Variants in TSTD2 observed in about 807,000 individuals in gnomAD.
TSTD2 encodes thiosulfate sulfurtransferase/rhodanese-like domain-containing protein 2.
Under a neutral mutation model 47.9 loss-of-function variants are expected in TSTD2, and 37 were observed. The observed-to-expected ratio is 0.77, with a 90% CI of 0.59 to 1.02. The LOEUF is 1.02. Ranked by LOEUF, TSTD2 falls within the 50% of genes least tolerant of loss-of-function variation. The pLI, the probability that TSTD2 is intolerant of heterozygous loss-of-function variation, is 0.00. For missense variants in TSTD2, 586 were observed against 616.0 expected (o/e 0.95, Z 0.52); for synonymous variants, 201 against 215.9 (o/e 0.93, Z 0.61).
At chr9:97,616,767 T>TAA (rs1297741818) in intron 4 of TSTD2, among the ~76,000 whole-genome samples, 1 of 152,224 alleles carries the variant, frequency 6.6e-6, no homozygotes, top group Non-Finnish European at 1.5e-5. Context: ...CCTTTCGATT[T>TAA]AAATTTTGAA....
At chr9:97,616,897 C>T (rs1304317089) in intron 4 of TSTD2, among the ~76,000 whole-genome samples, 2 of 152,200 alleles carry the variant, frequency 1.3e-5, no homozygotes, top group Non-Finnish European at 2.9e-5. Flanking sequence ...TTTTGGTATA[C>T]ACAACCTTCC....
chr9:97,627,059 C>T (rs751616174), intron 2 of TSTD2, among the ~76,000 whole-genome samples: 19 of 152,044 alleles, frequency 1.2e-4, no homozygotes, highest in African/African-American at 1.7e-4. Flanking sequence ...CTTACTGATA[C>T]GTGTTTTTAG....
At chr9:97,617,504 T>G (rs1249769117) in intron 4 of TSTD2, among the ~76,000 whole-genome samples, 2 of 152,378 alleles carry the variant, frequency 1.3e-5, no homozygotes, top group Non-Finnish European at 2.9e-5. Context: ...TAGTTTTTTG[T>G]GCAACACCTA....
At chr9:97,625,614 T>C (rs1281642450) in intron 3 of TSTD2, 67 bp downstream of exon 3, 14 of 1,446,088 alleles carry the variant, frequency 9.7e-6, no homozygotes, top group South Asian at 4.1e-5. Context: ...AATGGGTGAA[T>C]TGTAGTATCT....
rs190569161 is a variant in TSTD2, at chr9:97,618,440, T to C, written c.483-563A>G. 9.2e-5 allele frequency among the ~76,000 whole-genome samples: 14 copies of C among 152,344 alleles called. No homozygotes were observed. In the East Asian group the frequency reaches 2.7e-3, roughly 29 times the overall value. On this transcript the variant is annotated intron_variant, in intron 3 of 9. Transcript: ENST00000341170. ...ACTGGGCTGTCTTACACTAACTAGC[T>C]AGGCAGGTCTTTCATCACTTCTGGG...
Position 97,602,298 on chromosome 9 carries a change from G to A in TSTD2, c.*171C>T. 2 of 720,410 alleles carry A rather than the reference G, an allele frequency of 2.8e-6. No individual in the cohort carries two copies. The highest frequency in any genetic ancestry group is 2.2e-6 in the Non-Finnish European group (1 of 451,706). 44.6% of individuals were successfully genotyped at this position (720,410 alleles called of 1,614,324 possible). On this transcript the variant is annotated 3_prime_UTR_variant, in exon 10 of 10. Transcript: ENST00000341170. ...ATCAGAATGTCTCAGGTAAGTGGTA[G>A]ACAACGTGACTCCTCCCCTCCCGCT...
At position 97,631,660 on chromosome 9, in the gene TSTD2, A is replaced by G. The variant is rs566132842; in HGVS notation, c.-51+1583T>C. Among the ~76,000 whole-genome samples the G allele has an allele frequency of 1.9e-4, 29 of 152,296 alleles. No individual in the cohort carries two copies. The East Asian group carries it at 4.2e-3, about 22-fold the overall frequency. On this transcript the variant is annotated intron_variant, in intron 1 of 9. Coordinates refer to ENST00000341170, the MANE Select transcript of TSTD2 (RefSeq NM_139246.5). ...GGAGTTCAAGACCAGCCTGGCCAAC[A>G]TGGCGAAACCCCATCTCTACTAAAA...
At chr9:97,618,673 AC>A (rs1380969924) in intron 3 of TSTD2, among the ~76,000 whole-genome samples, 1 of 152,018 alleles carries the variant, frequency 6.6e-6, no homozygotes, top group Non-Finnish European at 1.5e-5. Flanking sequence ...TGTCTTTAAT[AC>A]CCCTTTTTTC....
At chr9:97,606,612 A>G (rs1473975017) in intron 6 of TSTD2, among the ~76,000 whole-genome samples, 1 of 152,174 alleles carries the variant, frequency 6.6e-6, no homozygotes, top group African/African-American at 2.4e-5. Flanking sequence ...TTGCTGGTCC[A>G]TTGTATGGTC....
At chr9:97,628,708 G>C (rs1455912618) in intron 1 of TSTD2, among the ~76,000 whole-genome samples, 1 of 152,188 alleles carries the variant, frequency 6.6e-6, no homozygotes, top group Admixed American at 6.5e-5. Context: ...AATAAAGCGT[G>C]ATGGAAGCAA....
chr9:97,626,333 G>A (rs1417698484), intron 2 of TSTD2, among the ~76,000 whole-genome samples: 2 of 152,054 alleles, frequency 1.3e-5, no homozygotes, highest in African/African-American at 4.8e-5. Context: ...TTTTCGAAAG[G>A]AATATGGAAA....
Position 97,600,462 on chromosome 9 carries a change from AT to A in TSTD2, c.*2006del. On this transcript the variant is annotated 3_prime_UTR_variant, in exon 10 of 10. Transcript: ENST00000341170. ...ATACTGGAGTTAGAACTTTTTCCTT[AT>A]TGAATGCCAACCTTATGATGGATGT... 1.0e-6 allele frequency: 1 copy of A among 985,612 alleles called. No individual in the cohort carries two copies. The highest frequency in any genetic ancestry group is 1.2e-6 in the Non-Finnish European group (1 of 830,052). The allele number at this position is 985,612 out of a possible 1,614,324, so 61.1% of individuals were successfully genotyped here.
At chr9:97,608,682 A>G (rs1826407936) in intron 6 of TSTD2, among the ~76,000 whole-genome samples, 1 of 152,178 alleles carries the variant, frequency 6.6e-6, no homozygotes, top group Non-Finnish European at 1.5e-5. Flanking sequence ...TGAAAACAAG[A>G]CAGCACTGCC....
Position 97,600,235 on chromosome 9 carries a change from T to C in TSTD2, c.*2234A>G, listed in dbSNP as rs1826223325. 1.0e-6 allele frequency: 1 copy of C among 990,974 alleles called. No individual in the cohort carries two copies. Among genetic ancestry groups the C allele is most frequent in the Non-Finnish European group, 1.2e-6 (1 of 832,860 alleles). The allele number at this position is 990,974 out of a possible 1,614,324, so 61.4% of individuals were successfully genotyped here. A position where few individuals can be genotyped will look rare whatever the true frequency, so the allele number is the denominator to read the frequency against. On this transcript the variant is annotated 3_prime_UTR_variant, in exon 10 of 10. Transcript: ENST00000341170. ...CTGGATCCAGAACACAATTTTCCCC[T>C]CAGAACAGATAGACAGACTGAAGCC...
chr9:97,624,031 G>A (rs1826679778), intron 3 of TSTD2, among the ~76,000 whole-genome samples: 1 of 152,072 alleles, frequency 6.6e-6, no homozygotes, highest in Non-Finnish European at 1.5e-5. Flanking sequence ...TGAAAGAATA[G>A]GTAAAGTGCA....
chr9:97,629,605 G>C (rs1233431500), intron 1 of TSTD2, among the ~76,000 whole-genome samples: 1 of 152,040 alleles, frequency 6.6e-6, no homozygotes, highest in Non-Finnish European at 1.5e-5. Flanking sequence ...TTCATATAAA[G>C]TCCCACTGAA....
In TSTD2 at chr9:97,610,464, A is replaced by T; in HGVS notation, c.730-13T>A. ...CTCCTTTGCTGGTCTAGCCAATGAG[A>T]AACAAAACAGAATACAGTCTTGCTG... On this transcript the variant is annotated splice_polypyrimidine_tract_variant and intron_variant, in intron 5 of 9. Transcript: ENST00000341170. The T allele has an allele frequency of 6.5e-7, 1 of 1,535,330 alleles. No homozygotes were observed. Among genetic ancestry groups the T allele is most frequent in the Non-Finnish European group, 8.8e-7 (1 of 1,142,730 alleles).
chr9:97,608,484 A>T (rs1826403611), intron 6 of TSTD2, among the ~76,000 whole-genome samples: 1 of 151,784 alleles, frequency 6.6e-6, no homozygotes, highest in Non-Finnish European at 1.5e-5. Flanking sequence ...AAAAATACAA[A>T]AATTACCCGG....
intron 2 of TSTD2, among the ~76,000 whole-genome samples, chr9:97,626,713 T>A (rs1009337099): frequency 1.3e-5 from 2 of 152,282 alleles, no homozygotes; most frequent in Non-Finnish European, 1.5e-5. Flanking sequence ...AACCACCTAC[T>A]TAGAATATCT....
Sources: gnomAD v4.1 joint callset for allele counts (sites outside exome capture counted in the v4.1 genomes callset) on GRCh38, gnomAD v4.1.1 for gene constraint, MANE v1.5 for transcripts, NCBI Gene and HGNC (gene_info 2026-07-23, HGNC 2026-07-21) for gene names.